Variants in SPAG16 observed in about 807,000 individuals in gnomAD.
The protein encoded by SPAG16 is sperm-associated antigen 16 protein.
In SPAG16, 86 loss-of-function variants were observed where a neutral mutation model predicts 80.4. The ratio of observed to expected loss-of-function variants is 1.07; its 90% CI spans 0.90 to 1.28. SPAG16 has a LOEUF of 1.28. Ranked by LOEUF, SPAG16 falls within the 50% of genes most tolerant of loss-of-function variation. SPAG16 has a pLI of 0.00. For synonymous variants in SPAG16, 294 were observed against 265.9 expected (o/e 1.11, Z -1.03); for missense variants, 870 against 765.3 (o/e 1.14, Z -1.61).
At chr2:214,170,243 G>GGTGTGTATACATATACACACACACTTAT (rs2056824134) in intron 15 of SPAG16, among the ~76,000 whole-genome samples, 4 of 120,124 alleles carry the variant, frequency 3.3e-5, no homozygotes, top group African/African-American at 1.0e-4. Flanking sequence ...CACACACTTA[G>GGTGTGTATACATATACACACACACTTAT]GTGTGTATAC....
At chr2:213,955,251 A>G (rs1437938492) in intron 12 of SPAG16, among the ~76,000 whole-genome samples, 1 of 152,104 alleles carries the variant, frequency 6.6e-6, no homozygotes, top group African/African-American at 2.4e-5. Context: ...CAAACACAAG[A>G]TAATAAGCAT....
intron 11 of SPAG16, among the ~76,000 whole-genome samples, chr2:213,866,754 C>A (rs1465573860): frequency 6.6e-6 from 1 of 152,150 alleles, no homozygotes; most frequent in Non-Finnish European, 1.5e-5. Context: ...GAGCAAGGGT[C>A]CAAGCTAACA....
Position 213,418,254 on chromosome 2 carries a change from TAC to T in SPAG16, c.942+43147_942+43148del, listed in dbSNP as rs200602277. Among the ~76,000 whole-genome samples, 201 of 151,954 alleles carry T rather than the reference TAC, an allele frequency of 1.3e-3. 3 individuals are homozygous for T. Among genetic ancestry groups the T allele is most frequent in the Non-Finnish European group, 2.9e-4 (20 of 67,974 alleles). On this transcript the variant is annotated intron_variant, in intron 9 of 15. Transcript: ENST00000331683. ...ATATACATGGATATTTATATCCATC[TAC>T]ACACACACACATATATATATATGCA...
intron 6 of SPAG16, among the ~76,000 whole-genome samples, chr2:213,342,950 C>G (rs1309579688): frequency 6.6e-6 from 1 of 151,832 alleles, no homozygotes; most frequent in African/African-American, 2.4e-5. Context: ...GCTTTCAGAG[C>G]TGAGGAGGCA....
At chr2:214,306,224 T>C (rs1199436853) in intron 15 of SPAG16, among the ~76,000 whole-genome samples, 1 of 152,196 alleles carries the variant, frequency 6.6e-6, no homozygotes, top group Non-Finnish European at 1.5e-5. Context: ...GCACATTGAT[T>C]GGGCATCCTG....
intron 15 of SPAG16, among the ~76,000 whole-genome samples, chr2:214,187,987 C>T (rs1282122420): frequency 6.6e-6 from 1 of 152,046 alleles, no homozygotes; most frequent in African/African-American, 2.4e-5. Flanking sequence ...ACTTTAAATG[C>T]TGACGGTTTA....
intron 15 of SPAG16, among the ~76,000 whole-genome samples, chr2:214,193,246 G>T (rs2125701037): frequency 6.6e-6 from 1 of 152,118 alleles, no homozygotes; most frequent in South Asian, 2.1e-4. Context: ...TCCAGTAGCT[G>T]GTGGATGGGT....
At chr2:214,354,373 C>T (rs937878686) in intron 15 of SPAG16, among the ~76,000 whole-genome samples, 19 of 152,176 alleles carry the variant, frequency 1.2e-4, no homozygotes, top group African/African-American at 4.3e-4. Flanking sequence ...TGTTTTGGTA[C>T]CAGTACCATG....
chr2:213,549,321 CATT>C (rs1281567749), intron 10 of SPAG16, among the ~76,000 whole-genome samples: 2 of 151,852 alleles, frequency 1.3e-5, no homozygotes, highest in Non-Finnish European at 2.9e-5. Flanking sequence ...TTATTTGATG[CATT>C]ATTAATAAAA....
At chr2:214,233,213 A>G (rs1311493493) in intron 15 of SPAG16, among the ~76,000 whole-genome samples, 1 of 151,988 alleles carries the variant, frequency 6.6e-6, no homozygotes, top group Non-Finnish European at 1.5e-5. Flanking sequence ...CAAGAGGGTT[A>G]TCTTCTGGGG....
chr2:214,337,291 A>C (rs1363379459), intron 15 of SPAG16, among the ~76,000 whole-genome samples: 1 of 151,134 alleles, frequency 6.6e-6, no homozygotes, highest in Non-Finnish European at 1.5e-5. Flanking sequence ...TCACAAACTT[A>C]TTAAGAAATC....
chr2:214,140,012 T>C (rs1250313515), intron 14 of SPAG16, among the ~76,000 whole-genome samples: 1 of 152,174 alleles, frequency 6.6e-6, no homozygotes, highest in Non-Finnish European at 1.5e-5. Flanking sequence ...CCAATATGTA[T>C]CTCCCATGTA....
chr2:213,862,965 T>C (rs2075540821), intron 11 of SPAG16, among the ~76,000 whole-genome samples: 1 of 152,210 alleles, frequency 6.6e-6, no homozygotes, highest in African/African-American at 2.4e-5. Context: ...AGAATTTACC[T>C]TTGTTAATCT....
intron 10 of SPAG16, among the ~76,000 whole-genome samples, chr2:213,731,058 C>T (rs2067008709): frequency 6.6e-6 from 1 of 151,528 alleles, no homozygotes; most frequent in Non-Finnish European, 1.5e-5. Context: ...TCTATTTTTG[C>T]ATATTTTCTA....
At chr2:213,684,680 T>A (rs1479096010) in intron 10 of SPAG16, among the ~76,000 whole-genome samples, 1 of 152,204 alleles carries the variant, frequency 6.6e-6, no homozygotes, top group African/African-American at 2.4e-5. Context: ...AATAAAAACA[T>A]CATTTAAAGC....
chr2:214,195,531 T>C (rs2057808404), intron 15 of SPAG16, among the ~76,000 whole-genome samples: 1 of 151,964 alleles, frequency 6.6e-6, no homozygotes, highest in African/African-American at 2.4e-5. Context: ...AGATAAGTGA[T>C]ATATTAGAAC....
intron 12 of SPAG16, among the ~76,000 whole-genome samples, chr2:213,993,229 A>G (rs1013300289): frequency 1.3e-5 from 2 of 152,190 alleles, no homozygotes; most frequent in Non-Finnish European, 2.9e-5. Context: ...TATTTATGCA[A>G]TTTGTGAGGA....
intron 15 of SPAG16, among the ~76,000 whole-genome samples, chr2:214,196,824 A>G (rs2057853853): frequency 6.6e-6 from 1 of 152,030 alleles, no homozygotes; most frequent in African/African-American, 2.4e-5. Context: ...AGTATAATGC[A>G]CTGAATCATA....
intron 10 of SPAG16, among the ~76,000 whole-genome samples, chr2:213,760,097 A>T (rs572246325): frequency 6.6e-6 from 1 of 152,308 alleles, no homozygotes; most frequent in Non-Finnish European, 1.5e-5. Flanking sequence ...CCTTCTTTTC[A>T]GAAATTACTT....
Sources: allele counts gnomAD v4.1 joint callset (sites outside exome capture counted in the v4.1 genomes callset), GRCh38; gene constraint gnomAD v4.1.1; transcripts MANE v1.5; gene names NCBI Gene and HGNC (gene_info 2026-07-23, HGNC 2026-07-21).